SCN11A: variants seen among roughly 807,000 people sequenced by gnomAD.
SCN11A encodes the protein sodium voltage-gated channel alpha subunit 11.
In SCN11A, 122 loss-of-function variants were observed where a neutral mutation model predicts 162.2. The ratio of observed to expected loss-of-function variants is 0.75; its 90% CI spans 0.65 to 0.87. The LOEUF is 0.87. Ranked by LOEUF, SCN11A falls within the 40% of genes least tolerant of loss-of-function variation. The probability of loss-of-function intolerance (pLI) is 0.00; values close to 1 mark genes in which losing one functional copy is unlikely to be tolerated. For missense variants in SCN11A, 2,015 were observed against 2,181.6 expected (o/e 0.92, Z 1.52); for synonymous variants, 758 against 751.5 (o/e 1.01, Z -0.14).
At chr3:38,952,594 A>G (rs1446570177) in intron 4 of SCN11A, among the ~76,000 whole-genome samples, 1 of 152,250 alleles carries the variant, frequency 6.6e-6, no homozygotes, top group Admixed American at 6.5e-5. Context: ...CAAAGACAGG[A>G]AACTAAAATA....
At chr3:38,951,077 G>T (rs1365932025) in intron 4 of SCN11A, among the ~76,000 whole-genome samples, 3 of 152,248 alleles carry the variant, frequency 2.0e-5, no homozygotes, top group Non-Finnish European at 4.4e-5. Flanking sequence ...TCAGCCCACC[G>T]CTGCACTGTG....
At chr3:38,857,275 G>T (rs2126084950) in intron 28 of SCN11A, among the ~76,000 whole-genome samples, 1 of 151,976 alleles carries the variant, frequency 6.6e-6, no homozygotes, top group African/African-American at 2.4e-5. Flanking sequence ...ATATGGATAA[G>T]AAAATTTTCC....
intron 16 of SCN11A, among the ~76,000 whole-genome samples, chr3:38,900,493 G>C (rs2065681541): frequency 2.0e-5 from 3 of 152,034 alleles, no homozygotes; most frequent in Admixed American, 2.0e-4. Context: ...GAAAACTAAG[G>C]ATAATTATCC....
intron 5 of SCN11A, among the ~76,000 whole-genome samples, chr3:38,949,520 C>T (rs1241551760): frequency 6.6e-6 from 1 of 152,056 alleles, no homozygotes; most frequent in East Asian, 1.9e-4. Context: ...TGGTTTGAGC[C>T]CTATTAGTCT....
chr3:38,894,675 C>T lies in SCN11A; in HGVS notation c.2693G>A (p.Gly898Asp), dbSNP rs1301732976. The change falls in exon 19 of 30, where the codon GGT (glycine) becomes GAT (aspartate). Residue 898 changes from glycine to aspartate, a missense_variant. Transcript: ENST00000302328. ...KRGSETQEEL[G>D]ILTSVPKTLG... ...GGTCTTTGGTACAGAGGTTAGTATA[C>T]CAAGCTCCTCCTGGGTCTCTGAGCC... 5 of 1,614,056 alleles carry T rather than the reference C, an allele frequency of 3.1e-6. No homozygotes were observed. The highest frequency in any genetic ancestry group is 3.4e-6 in the Non-Finnish European group (4 of 1,180,032).
At chr3:38,943,349 C>T (rs549314443) in intron 7 of SCN11A, among the ~76,000 whole-genome samples, 1 of 152,090 alleles carries the variant, frequency 6.6e-6, no homozygotes, top group Non-Finnish European at 1.5e-5. Flanking sequence ...TGCAAAGAGG[C>T]ATGAGACGTT....
intron 2 of SCN11A, among the ~76,000 whole-genome samples, chr3:39,032,062 G>A (rs755433391): frequency 2.0e-5 from 3 of 152,104 alleles, no homozygotes; most frequent in African/African-American, 2.4e-5. Context: ...TGATTCTTAC[G>A]TGCTCATTTC....
At chr3:38,887,012 C>G (rs2065412081) in intron 19 of SCN11A, among the ~76,000 whole-genome samples, 1 of 152,168 alleles carries the variant, frequency 6.6e-6, no homozygotes, top group East Asian at 1.9e-4. Flanking sequence ...TGAAATACAG[C>G]CTTGGAATGT....
intron 2 of SCN11A, among the ~76,000 whole-genome samples, chr3:39,009,432 A>G (rs1051204429): frequency 6.6e-6 from 1 of 151,450 alleles, no homozygotes; most frequent in African/African-American, 2.4e-5. Flanking sequence ...ATACATATAT[A>G]TATAAAGCTC....
intron 23 of SCN11A, among the ~76,000 whole-genome samples, chr3:38,877,167 A>G (rs1277461595): frequency 1.0e-5 from 1 of 95,922 alleles, no homozygotes; most frequent in African/African-American, 5.0e-5. Flanking sequence ...TGTATATACT[A>G]TATATATGGT....
chr3:38,880,116 T>C lies in SCN11A; in HGVS notation c.3227A>G (p.Glu1076Gly). The change falls in exon 23 of 30, where the codon GAA becomes GGA. Residue 1076 changes from glutamate to glycine, a missense_variant. Glu to Gly is a moderately conservative substitution (Grantham distance 98). Coordinates refer to ENST00000302328, the MANE Select transcript of SCN11A (RefSeq NM_001349253.2). ...ILLSSGALIF[E>G]DVHLENQPKI... ...GGGTTGGTTCTCAAGGTGAACATCT[T>C]CAAATATCTGAAATGAAAAAGCATA... is the stretch of plus-strand genomic sequence containing the variant. 3.1e-6 allele frequency: 5 copies of C among 1,605,572 alleles called. No individual in the cohort carries two copies. The highest frequency in any genetic ancestry group is 4.3e-6 in the Non-Finnish European group (5 of 1,175,302).
intron 5 of SCN11A, among the ~76,000 whole-genome samples, chr3:38,947,877 G>A (rs1008392743): frequency 5.9e-5 from 9 of 152,176 alleles, no homozygotes; most frequent in African/African-American, 2.2e-4. Flanking sequence ...CCCAACTGAT[G>A]GCTCCTTTCA....
At chr3:38,980,262 AAGAAT>A (rs1221336730) in intron 2 of SCN11A, among the ~76,000 whole-genome samples, 2 of 152,246 alleles carry the variant, frequency 1.3e-5, no homozygotes, top group African/African-American at 4.8e-5. Context: ...CTCACATTGA[AAGAAT>A]AGAATCATTT....
chr3:38,986,536 C>T (rs148954972), intron 2 of SCN11A, among the ~76,000 whole-genome samples: 48 of 152,156 alleles, frequency 3.2e-4, no homozygotes, highest in African/African-American at 1.1e-3. Context: ...GAGGGAACCC[C>T]GAAACTGAAG....
intron 2 of SCN11A, among the ~76,000 whole-genome samples, chr3:38,999,465 T>C (rs1201134073): frequency 6.6e-6 from 1 of 152,252 alleles, no homozygotes; most frequent in Non-Finnish European, 1.5e-5. Context: ...TCCTAACCCT[T>C]TGAATTTCTA....
chr3:38,847,384 T>C lies in SCN11A; in HGVS notation c.4686A>G (p.Arg1562=), dbSNP rs766032450. The change falls in exon 30 of 30, where the codon CGA becomes CGG. Residue 1562 remains arginine, a synonymous_variant. Transcript: ENST00000302328. ...GWDSLLSPML[R]SKESCNSSSE... ...AGGAAGAGTTACATGATTCTTTTGA[T>C]CGCAGCATGGGGCTGAGCAGGGAAT... 1.9e-6 allele frequency: 3 copies of C among 1,614,138 alleles called. No homozygotes were observed. The Admixed American group carries it at 5.0e-5, about 27-fold the overall frequency.
chr3:39,042,222 T>C (rs901711522), intron 1 of SCN11A, among the ~76,000 whole-genome samples: 5 of 152,154 alleles, frequency 3.3e-5, no homozygotes, highest in Non-Finnish European at 5.9e-5. Flanking sequence ...TGAGCCAAGA[T>C]TGTGCCACTG....
Position 38,870,672 on chromosome 3 carries a change from T to C in SCN11A, c.3813+19A>G, listed in dbSNP as rs764406762. On this transcript the variant is annotated intron_variant, in intron 26 of 29. Transcript: ENST00000302328. The stretch of plus-strand genomic sequence containing the variant: ...GACTTGACCATAACACTCCAGAACA[T>C]GGTAGAACACTGACTCACCTCTGTG... The C allele has an allele frequency of 6.2e-7, 1 of 1,608,298 alleles. No homozygotes were observed. The highest frequency in any genetic ancestry group is 8.5e-7 in the Non-Finnish European group (1 of 1,174,960).
At chr3:38,941,915 T>C (rs1334574947) in intron 7 of SCN11A, among the ~76,000 whole-genome samples, 2 of 152,108 alleles carry the variant, frequency 1.3e-5, no homozygotes, top group African/African-American at 2.4e-5. Flanking sequence ...ACTGGATTGA[T>C]AGACTGCATA....
Sources: gnomAD v4.1 joint callset for allele counts (sites outside exome capture counted in the v4.1 genomes callset) on GRCh38, gnomAD v4.1.1 for gene constraint, MANE v1.5 for transcripts, NCBI Gene and HGNC (gene_info 2026-07-23, HGNC 2026-07-21) for gene names.